The following ADAMTSL3 variants were observed in gnomAD, a reference collection of about 807,000 sequenced individuals.
ADAMTSL3 encodes ADAMTS-like protein 3.
A neutral mutation model predicts 201.7 loss-of-function variants in ADAMTSL3; 128 were observed. The observed-to-expected ratio is 0.63, with a 90% confidence interval of 0.55 to 0.73. The LOEUF (loss-of-function observed/expected upper bound fraction) is 0.73. Ranked by LOEUF, ADAMTSL3 falls within the 30% of genes least tolerant of loss-of-function variation. ADAMTSL3 has a pLI of 0.00. For synonymous variants in ADAMTSL3, 738 were observed against 748.4 expected (o/e 0.99, Z 0.23); for missense variants, 1,990 against 2,119.6 (o/e 0.94, Z 1.20).
At chr15:83,756,182 TC>T (rs2062717038) in intron 3 of ADAMTSL3, among the ~76,000 whole-genome samples, 1 of 152,214 alleles carries the variant, frequency 6.6e-6, no homozygotes, top group Non-Finnish European at 1.5e-5. Flanking sequence ...CATTTTACAT[TC>T]CCACCAGCAA....
chr15:84,020,592 A>G (rs571881817), intron 25 of ADAMTSL3, among the ~76,000 whole-genome samples: 4 of 152,300 alleles, frequency 2.6e-5, no homozygotes, highest in South Asian at 2.1e-4. Context: ...GAAAGAAATC[A>G]CTCTGCTATG....
intron 16 of ADAMTSL3, among the ~76,000 whole-genome samples, chr15:83,920,715 T>G (rs180919119): frequency 1.3e-5 from 2 of 152,308 alleles, no homozygotes; most frequent in African/African-American, 4.8e-5. Context: ...GCAGACCTCT[T>G]TTTTCCTCGT....
intron 15 of ADAMTSL3, among the ~76,000 whole-genome samples, chr15:83,901,320 C>T (rs1027440682): frequency 3.3e-5 from 5 of 151,812 alleles, no homozygotes; most frequent in Non-Finnish European, 7.4e-5. Context: ...AGGAGTAAGA[C>T]CCAGGAAAGC....
At position 83,790,338 on chromosome 15, in the gene ADAMTSL3, A is replaced by G. The variant is rs147713869; in HGVS notation, c.318-14312A>G. Among the ~76,000 whole-genome samples the G allele has an allele frequency of 6.6e-5, 10 of 150,804 alleles. No homozygotes were observed. The East Asian group carries it at 1.9e-3, about 29-fold the overall frequency. On this transcript the variant is annotated intron_variant, in intron 4 of 29. Coordinates refer to ENST00000286744, the MANE Select transcript of ADAMTSL3 (RefSeq NM_207517.3). ...TATAGAAGTAAAAATTATTAATACA[A>G]TCCTGTCAAAAGTATTAAGAAAGAT...
chr15:83,813,078 G>A (rs139669721), intron 5 of ADAMTSL3, among the ~76,000 whole-genome samples: 1 of 152,308 alleles, frequency 6.6e-6, no homozygotes, highest in African/African-American at 2.4e-5. Flanking sequence ...GCTAAAGCAT[G>A]GTAGCTTTTA....
At chr15:83,909,259 T>G (rs1596390146) in intron 15 of ADAMTSL3, among the ~76,000 whole-genome samples, 1 of 152,206 alleles carries the variant, frequency 6.6e-6, no homozygotes, top group South Asian at 2.1e-4. Context: ...TGTATGGTAA[T>G]GTATTCACAC....
chr15:83,865,284 A>C (rs560063843), intron 8 of ADAMTSL3, among the ~76,000 whole-genome samples: 1 of 152,326 alleles, frequency 6.6e-6, no homozygotes, highest in African/African-American at 2.4e-5. Context: ...ATATGGAACC[A>C]AAAAGAGCCC....
intron 3 of ADAMTSL3, among the ~76,000 whole-genome samples, chr15:83,761,224 G>A (rs2062804300): frequency 6.6e-6 from 1 of 151,962 alleles, no homozygotes; most frequent in Non-Finnish European, 1.5e-5. Flanking sequence ...CTTCATGGAT[G>A]ATACAAGGAC....
chr15:83,795,170 A>C (rs529660048), intron 4 of ADAMTSL3, among the ~76,000 whole-genome samples: 1 of 152,154 alleles, frequency 6.6e-6, no homozygotes, highest in East Asian at 1.9e-4. Context: ...CATTTATTTT[A>C]AATAGAAGAT....
At chr15:83,696,048 C>A (rs887311715) in intron 2 of ADAMTSL3, among the ~76,000 whole-genome samples, 3 of 152,108 alleles carry the variant, frequency 2.0e-5, no homozygotes, top group African/African-American at 7.2e-5. Context: ...GGGAATAGCC[C>A]CTGAGGCCCC....
At chr15:83,670,767 A>G (rs2061320420) in intron 2 of ADAMTSL3, among the ~76,000 whole-genome samples, 1 of 152,160 alleles carries the variant, frequency 6.6e-6, no homozygotes, top group Admixed American at 6.5e-5. Context: ...GGTAACTGAG[A>G]CACTTAGCAC....
chr15:84,019,006 A>G (rs1353394025), intron 25 of ADAMTSL3, among the ~76,000 whole-genome samples: 3 of 151,914 alleles, frequency 2.0e-5, no homozygotes, highest in African/African-American at 7.3e-5. Flanking sequence ...ATGTCTGATG[A>G]AGAACTTATA....
chr15:83,659,699 T>G (rs1039516006), intron 2 of ADAMTSL3, among the ~76,000 whole-genome samples: 21 of 152,138 alleles, frequency 1.4e-4, no homozygotes, highest in Non-Finnish European at 3.1e-4. Flanking sequence ...GCAGATGTGA[T>G]TAAGAATATT....
At chr15:83,952,380 C>T (rs950328828) in intron 19 of ADAMTSL3, among the ~76,000 whole-genome samples, 2 of 152,042 alleles carry the variant, frequency 1.3e-5, no homozygotes, top group African/African-American at 2.4e-5. Flanking sequence ...AACATATGGT[C>T]TGTTTTTGAG....
chr15:84,006,415 G>A (rs1190927408), intron 23 of ADAMTSL3, among the ~76,000 whole-genome samples: 1 of 152,140 alleles, frequency 6.6e-6, no homozygotes, highest in African/African-American at 2.4e-5. Context: ...AGCATTTCAG[G>A]GCAGTCTGAA....
chr15:83,788,581 G>A (rs556062530), intron 4 of ADAMTSL3, among the ~76,000 whole-genome samples: 61 of 152,238 alleles, frequency 4.0e-4, no homozygotes, highest in African/African-American at 1.4e-3. Context: ...GAAATCTAAA[G>A]GCATCTGGAT....
chr15:83,913,136 C>T lies in ADAMTSL3; in HGVS notation c.1745C>T (p.Pro582Leu), dbSNP rs147461513. The T allele has an allele frequency of 4.8e-4, 782 of 1,614,098 alleles. No homozygotes were observed. Among genetic ancestry groups the T allele is most frequent in the Non-Finnish European group, 6.3e-4 (742 of 1,180,010 alleles). Residue 582 changes from proline to leucine, a missense_variant, in exon 16 of 30, where the codon CCG (proline) becomes CTG (leucine). Pro to Leu is a moderately conservative substitution (Grantham distance 98). Transcript: ENST00000286744. ...PWSACSTTCG[P>L]GVQVREVKCR... Reference sequence around the variant, plus strand: ...TCAGCCTGCAGTACCACGTGTGGGCCGGGTGTGCAGGTCCGTGAGGTGAAG... The same window carrying T: ...TCAGCCTGCAGTACCACGTGTGGGCTGGGTGTGCAGGTCCGTGAGGTGAAG...
chr15:83,752,402 A>G (rs1271327938), intron 3 of ADAMTSL3, among the ~76,000 whole-genome samples: 1 of 152,210 alleles, frequency 6.6e-6, no homozygotes, highest in Admixed American at 6.5e-5. Flanking sequence ...TATAAAATAT[A>G]TGATTAAATC....
At chr15:84,017,546 T>C (rs1219830496) in intron 25 of ADAMTSL3, among the ~76,000 whole-genome samples, 1 of 152,228 alleles carries the variant, frequency 6.6e-6, no homozygotes, top group African/African-American at 2.4e-5. Context: ...AATATAACTC[T>C]ACCGGTAGAG....
Sources: allele counts gnomAD v4.1 joint callset (sites outside exome capture counted in the v4.1 genomes callset), GRCh38; gene constraint gnomAD v4.1.1; transcripts MANE v1.5; gene names NCBI Gene and HGNC (gene_info 2026-07-23, HGNC 2026-07-21).